The following CAPN1 variants were observed in gnomAD, a reference collection of about 807,000 sequenced individuals.
CAPN1 encodes the protein calpain-1 catalytic subunit.
A neutral mutation model predicts 105.2 loss-of-function variants in CAPN1; 77 were observed. The observed-to-expected ratio is 0.73, with a 90% CI of 0.61 to 0.88. The LOEUF (loss-of-function observed/expected upper bound fraction) is 0.88. CAPN1 is among the 40% of genes least tolerant of loss of function. The pLI is 0.00. For missense variants in CAPN1, 833 were observed against 976.6 expected, an observed-to-expected ratio of 0.85 and a Z score of 1.96; for synonymous variants, 355 against 388.8, an observed-to-expected ratio of 0.91 and a Z score of 1.02.
intron 3 of CAPN1, 38 bp from the exon 4 acceptor site, chr11:65,183,436 T>G: frequency 4.1e-6 from 6 of 1,477,574 alleles, no homozygotes; most frequent in Non-Finnish European, 5.7e-6. Context: ...CCGGGGCAGG[T>G]TGGTAGAGCA....
chr11:65,190,709 T>TTC (rs763384427), intron 10 of CAPN1, among the ~76,000 whole-genome samples: 1 of 105,940 alleles, frequency 9.4e-6, no homozygotes, highest in Non-Finnish European at 2.2e-5. Context: ...GTTGGTTTTT[T>TTC]TTGTTTTTGT....
In CAPN1 at chr11:65,188,719, A is replaced by G; in HGVS notation, c.1138A>G (p.Thr380Ala). The G allele has an allele frequency of 1.9e-6, 3 of 1,589,822 alleles. No individual in the cohort carries two copies. Among genetic ancestry groups the G allele is most frequent in the Non-Finnish European group, 2.6e-6 (3 of 1,168,434 alleles). The change falls in exon 10 of 22, where the codon ACC becomes GCC. Residue 380 changes from threonine (T) to alanine (A), a missense_variant. Thr to Ala is a moderately conservative substitution (Grantham distance 58). Coordinates refer to ENST00000279247, the MANE Select transcript of CAPN1 (RefSeq NM_005186.4). The surrounding 1 kb of genome is among the most constrained non-coding windows in gnomAD (Gnocchi z 5.5). The stretch of plus-strand genomic sequence containing the variant: ...CGAAGGCACCTGGCGGCGGGGGAGC[A>G]CCGCGGGGGGCTGCCGAAACTACCC... ...LYEGTWRRGS[T>A]AGGCRNYPAT...
chr11:65,187,985 A>G lies in CAPN1; in HGVS notation c.874A>G (p.Ile292Val), dbSNP rs1265601720. The G allele has an allele frequency of 6.4e-7, 1 of 1,562,946 alleles. No individual in the cohort carries two copies. The highest frequency in any genetic ancestry group is 1.2e-5 in the South Asian group (1 of 84,680). ...CTACCGAGGCCAGGTGGTGAGCCTGATCCGGATGCGGAACCCCTGGGGCGA... is the reference window on the plus strand; with the variant it reads ...CTACCGAGGCCAGGTGGTGAGCCTGGTCCGGATGCGGAACCCCTGGGGCGA... ...VNYRGQVVSL[I>V]RMRNPWGEVE... Residue 292 changes from isoleucine to valine, a missense_variant, in exon 8 of 22, where the codon ATC (isoleucine) becomes GTC (valine). Coordinates refer to ENST00000279247, the MANE Select transcript of CAPN1 (RefSeq NM_005186.4).
intron 10 of CAPN1, among the ~76,000 whole-genome samples, chr11:65,200,315 A>G (rs1401769793): frequency 6.6e-6 from 1 of 151,778 alleles, no homozygotes; most frequent in Non-Finnish European, 1.5e-5. Flanking sequence ...TGCTAGGATT[A>G]CAGGCGTGAG....
Position 65,204,669 on chromosome 11 carries a change from T to G in CAPN1, c.1166-14T>G, listed in dbSNP as rs1326804099. On this transcript the variant is annotated splice_polypyrimidine_tract_variant and intron_variant, in intron 10 of 21. Transcript: ENST00000279247. ...CGCCCTGCCTCTGATCCCCGCCTCCTCACCTGCCCGCAGCCACCTTCTGGG... is the reference window on the plus strand; with the variant it reads ...CGCCCTGCCTCTGATCCCCGCCTCCGCACCTGCCCGCAGCCACCTTCTGGG... The G allele has an allele frequency of 6.2e-7, 1 of 1,602,734 alleles. No homozygotes were observed. Among genetic ancestry groups the G allele is most frequent in the Admixed American group, 1.7e-5 (1 of 59,818 alleles).
At position 65,188,334 on chromosome 11, in the gene CAPN1, G is replaced by A. The variant is rs1452508305; in HGVS notation, c.930-80G>A. ...ACCTGGGCTGGGCCGGGGGAAGACA[G>A]GCCAGGGTAGACAGGCCCCAGGGAC... is the stretch of plus-strand genomic sequence containing the variant. On this transcript the variant is annotated intron_variant, in intron 8 of 21. Transcript: ENST00000279247. The surrounding 1 kb of genome is among the most constrained non-coding windows in gnomAD (Gnocchi z 5.5). The A allele has an allele frequency of 7.5e-6, 10 of 1,325,108 alleles. No individual in the cohort carries two copies. The highest frequency in any genetic ancestry group is 9.5e-6 in the Non-Finnish European group (9 of 945,580). The allele number at this position is 1,325,108 out of a possible 1,614,324, so 82.1% of individuals were successfully genotyped here.
chr11:65,210,061 G>A lies in CAPN1; in HGVS notation c.1907G>A (p.Ser636Asn). The A allele has an allele frequency of 6.2e-7, 1 of 1,612,982 alleles. No homozygotes were observed. The highest frequency in any genetic ancestry group is 1.7e-5 in the Admixed American group (1 of 59,966). ...KFDLDKSGSM[S>N]AYEMRMAIES... ...GACCTGGACAAGTCGGGCAGCATGA[G>A]TGCCTACGAGATGCGGATGGCCATT... The change falls in exon 19 of 22, where the codon AGT becomes AAT. Residue 636 changes from serine to asparagine, a missense_variant. Coordinates refer to ENST00000279247, the MANE Select transcript of CAPN1 (RefSeq NM_005186.4). This position sits in a 1 kb window ranked among gnomAD's most constrained non-coding sequence, Gnocchi z 4.3.
intron 10 of CAPN1, among the ~76,000 whole-genome samples, chr11:65,192,751 G>C (rs1211372531): frequency 6.6e-6 from 1 of 151,546 alleles, no homozygotes; most frequent in East Asian, 1.9e-4. Context: ...GACTACACAG[G>C]TGTGAGCCTC....
At chr11:65,203,297 C>T (rs1948899826) in intron 10 of CAPN1, 1 of 151,632 alleles carries the variant, frequency 6.6e-6, no homozygotes, top group Non-Finnish European at 1.5e-5. Context: ...TCAAGCGATT[C>T]TCCTACCTCA....
chr11:65,202,987 A>G (rs1402332240), intron 10 of CAPN1, among the ~76,000 whole-genome samples: 1 of 152,144 alleles, frequency 6.6e-6, no homozygotes, highest in Non-Finnish European at 1.5e-5. Context: ...CATATAATAC[A>G]TGGTCCTTTG....
Position 65,210,364 on chromosome 11 carries a change from G to A in CAPN1, c.1971G>A (p.Glu657=), listed in dbSNP as rs772646698. The change falls in exon 20 of 22, where the codon GAG becomes GAA. Residue 657 remains glutamate, a synonymous_variant. Transcript: ENST00000279247. The surrounding 1 kb of genome is among the most constrained non-coding windows in gnomAD (Gnocchi z 4.3). ...TCAAGCTCAACAAGAAGCTGTACGA[G>A]CTCATCATCACCCGCTACTCGGAGC... The part of the protein sequence containing the change: ...AGFKLNKKLY[E]LIITRYSEPD... 4 of 1,613,160 alleles carry A rather than the reference G, an allele frequency of 2.5e-6. No homozygotes were observed. The highest frequency in any genetic ancestry group is 2.2e-5 in the South Asian group (2 of 91,020).
chr11:65,211,138 T>C, intron 21 of CAPN1, 122 bp from the exon 22 acceptor site: 1 of 1,119,090 alleles, frequency 8.9e-7, no homozygotes, highest in Non-Finnish European at 1.3e-6. Flanking sequence ...AAGTAACCCC[T>C]CCATGAGGTT....
intron 10 of CAPN1, among the ~76,000 whole-genome samples, chr11:65,200,524 T>C (rs1948852678): frequency 6.6e-6 from 1 of 152,172 alleles, no homozygotes. Flanking sequence ...TTTGTATTTT[T>C]AGTAGAGACA....
chr11:65,187,382 G>A (rs1948649734), intron 7 of CAPN1, 84 bp downstream of exon 7: 1 of 922,614 alleles, frequency 1.1e-6, no homozygotes, highest in Non-Finnish European at 1.7e-6. Flanking sequence ...GACCAGGGCT[G>A]TGGAAGGTGC....
At chr11:65,182,577 G>T in intron 1 of CAPN1, 124 bp from the exon 2 acceptor site, 1 of 1,052,238 alleles carries the variant, frequency 9.5e-7, no homozygotes, top group Non-Finnish European at 1.3e-6. Flanking sequence ...GGGGAGCAGT[G>T]AGGCAGGGAA....
rs749177290 is a variant in CAPN1 at position 65,210,304 on chromosome 11, C to T, written c.1943-32C>T. ...CCATCCTGTTGGGCAGGGGCTGCGC[C>T]TCACTGACCTTCACTCACTCTCCTG... On this transcript the variant is annotated intron_variant, in intron 19 of 21. Coordinates refer to ENST00000279247, the MANE Select transcript of CAPN1 (RefSeq NM_005186.4). This position sits in a 1 kb window ranked among gnomAD's most constrained non-coding sequence, Gnocchi z 4.3. 59 of 1,500,544 alleles carry T rather than the reference C, an allele frequency of 3.9e-5. No homozygotes were observed. The Middle Eastern group carries it at 1.9e-3, about 48-fold the overall frequency. The allele number at this position is 1,500,544 out of a possible 1,614,324, so 93.0% of individuals were successfully genotyped here. A position where few individuals can be genotyped will look rare whatever the true frequency, so the allele number is the denominator to read the frequency against.
intron 10 of CAPN1, among the ~76,000 whole-genome samples, chr11:65,201,422 G>T (rs1948867405): frequency 6.6e-6 from 1 of 152,198 alleles, no homozygotes; most frequent in Non-Finnish European, 1.5e-5. Context: ...TCTTCTTAAG[G>T]TTTCACAGGC....
Position 65,209,542 on chromosome 11 carries a change from C to T in CAPN1, c.1794+155C>T. 1.4e-6 allele frequency: 1 copy of T among 713,010 alleles called. No individual in the cohort carries two copies. The highest frequency in any genetic ancestry group is 2.5e-6 in the Non-Finnish European group (1 of 406,306). 44.2% of individuals were successfully genotyped at this position (713,010 alleles called of 1,614,324 possible). On this transcript the variant is annotated intron_variant, in intron 17 of 21. Transcript: ENST00000279247. The surrounding 1 kb of genome is among the most constrained non-coding windows in gnomAD (Gnocchi z 4.1). ...GCTCAGATGTCTCCCTGGACGTCTT[C>T]CTGTTGGTTGGGAGGGAGAAACTGA...
At position 65,210,175 on chromosome 11, in the gene CAPN1, C is replaced by A. The variant is rs1590868248; in HGVS notation, c.1942+79C>A. The A allele has an allele frequency of 7.0e-6, 9 of 1,278,052 alleles. No individual in the cohort carries two copies. The East Asian group carries it at 2.1e-4, about 30-fold the overall frequency. The allele number at this position is 1,278,052 out of a possible 1,614,324, so 79.2% of individuals were successfully genotyped here. On this transcript the variant is annotated intron_variant, in intron 19 of 21. Transcript: ENST00000279247. This position sits in a 1 kb window ranked among gnomAD's most constrained non-coding sequence, Gnocchi z 4.3. ...GCTCCTATGCCCCAGGCCCTTGTCC[C>A]TGGGGTGCTAGTGGTGACATGGTAA...
Sources: allele counts gnomAD v4.1 joint callset (sites outside exome capture counted in the v4.1 genomes callset), GRCh38; gene constraint gnomAD v4.1.1; non-coding constraint Gnocchi (gnomAD v3.1); transcripts MANE v1.5; gene names NCBI Gene and HGNC (gene_info 2026-07-23, HGNC 2026-07-21).